The following TCF7L2 variants were observed in gnomAD, a reference collection of about 807,000 sequenced individuals.
TCF7L2 encodes the protein transcription factor 7-like 2.
In TCF7L2, 23 loss-of-function variants were observed where a neutral mutation model predicts 77.9. The observed-to-expected ratio is 0.30, with a 90% CI of 0.21 to 0.42. TCF7L2 has a LOEUF of 0.42. Ranked by LOEUF, TCF7L2 falls within the 10% of genes least tolerant of loss-of-function variation. The pLI, the probability that TCF7L2 is intolerant of heterozygous loss-of-function variation, is 1.00. For missense variants in TCF7L2, 654 were observed against 793.1 expected, an observed-to-expected ratio of 0.82 and a Z score of 2.11; for synonymous variants, 413 against 340.2, an observed-to-expected ratio of 1.21 and a Z score of -2.36.
chr10:113,163,419 C>T (rs993775990), intron 13 of TCF7L2, among the ~76,000 whole-genome samples: 3 of 152,066 alleles, frequency 2.0e-5, no homozygotes, highest in Non-Finnish European at 4.4e-5. Context: ...GGTTGTTCTC[C>T]CTGCTTCTTT....
At chr10:112,965,629 A>ATGTGTGTGTG (rs59587175) in intron 4 of TCF7L2, among the ~76,000 whole-genome samples, 8 of 137,322 alleles carry the variant, frequency 5.8e-5, no homozygotes, top group African/African-American at 2.2e-4. Flanking sequence ...GTGTGTGTAT[A>ATGTGTGTGTG]TGTGTGTGTG....
chr10:112,961,431 T>G (rs1214944625), intron 3 of TCF7L2, among the ~76,000 whole-genome samples: 1 of 152,272 alleles, frequency 6.6e-6, no homozygotes, highest in East Asian at 1.9e-4. Flanking sequence ...TATTCTTCCT[T>G]CTAGCTTCTG....
At chr10:113,088,408 A>G (rs1430122216) in intron 5 of TCF7L2, among the ~76,000 whole-genome samples, 1 of 152,104 alleles carries the variant, frequency 6.6e-6, no homozygotes, top group Non-Finnish European at 1.5e-5. Flanking sequence ...AATGGGCATG[A>G]TACTACCTAC....
At chr10:113,072,843 G>T (rs532775068) in intron 5 of TCF7L2, among the ~76,000 whole-genome samples, 1 of 152,284 alleles carries the variant, frequency 6.6e-6, no homozygotes, top group African/African-American at 2.4e-5. Flanking sequence ...CTTTTGGGAA[G>T]AAATGAAAAA....
chr10:113,117,049 C>T lies in TCF7L2; in HGVS notation c.553-24135C>T, dbSNP rs138630701. Among the ~76,000 whole-genome samples the T allele has an allele frequency of 7.9e-3, 1,201 of 152,202 alleles. 21 individuals carry two copies. The highest frequency in any genetic ancestry group is 0.027 in the African/African-American group (1,128 of 41,528). ...GAAACAATATTTAAAACATTCCTGT[C>T]GGGGCATTATTTAATGGGAATGATA... On this transcript the variant is annotated intron_variant, in intron 5 of 13. Coordinates refer to ENST00000627217, the MANE Select transcript of TCF7L2 (RefSeq NM_001146274.2).
intron 4 of TCF7L2, among the ~76,000 whole-genome samples, chr10:112,990,606 C>T (rs544248915): frequency 6.6e-6 from 1 of 152,184 alleles, no homozygotes; most frequent in South Asian, 2.1e-4. Context: ...ACTGGGGAGG[C>T]TGAGGTGGGC....
intron 10 of TCF7L2, among the ~76,000 whole-genome samples, 178 bp downstream of exon 10, chr10:113,152,062 G>A (rs1021722415): frequency 1.1e-4 from 16 of 152,128 alleles, no homozygotes; most frequent in African/African-American, 2.2e-4. Flanking sequence ...TGCACTCAGC[G>A]TTCAGAACAG....
intron 5 of TCF7L2, among the ~76,000 whole-genome samples, chr10:113,112,043 T>A (rs1307265836): frequency 2.0e-5 from 3 of 152,214 alleles, no homozygotes; most frequent in African/African-American, 7.2e-5. Flanking sequence ...GAAACCAGTT[T>A]CACAGTCTGC....
intron 5 of TCF7L2, among the ~76,000 whole-genome samples, chr10:113,113,716 T>C (rs2063411053): frequency 6.6e-6 from 1 of 152,242 alleles, no homozygotes; most frequent in Admixed American, 6.5e-5. Context: ...CCTCACCATC[T>C]AATTTGTTTC....
chr10:113,097,704 A>G lies in TCF7L2; in HGVS notation c.553-43480A>G, dbSNP rs1336145542. ...CATGAGAAAGATATATGGAGGTGAG[A>G]GGGAAAGGTGTACCCTGGAGGGATT... On this transcript the variant is annotated intron_variant, in intron 5 of 13. Transcript: ENST00000627217. Among the ~76,000 whole-genome samples the G allele has an allele frequency of 2.1e-5, 3 of 143,346 alleles. No homozygotes were observed. The East Asian group carries it at 6.4e-4, about 31-fold the overall frequency. 94.0% of individuals were successfully genotyped at this position (143,346 alleles called of 152,430 possible). A position where few individuals can be genotyped will look rare whatever the true frequency, so the allele number is the denominator to read the frequency against.
At chr10:113,060,984 C>T (rs1337086314) in intron 5 of TCF7L2, among the ~76,000 whole-genome samples, 1 of 152,120 alleles carries the variant, frequency 6.6e-6, no homozygotes, top group Non-Finnish European at 1.5e-5. Flanking sequence ...GACTTCAGGG[C>T]TGGTGGATAG....
At chr10:113,017,931 T>C (rs1382209450) in intron 4 of TCF7L2, among the ~76,000 whole-genome samples, 3 of 152,138 alleles carry the variant, frequency 2.0e-5, no homozygotes, top group African/African-American at 7.2e-5. Flanking sequence ...TTAAAATGCA[T>C]CCTTTTTGCA....
chr10:113,165,575 G>A lies in TCF7L2; in HGVS notation c.1412G>A (p.Arg471His), dbSNP rs2137646607. ...TCTAGGAGAAAAAAAAAGTGCGTTCGCTACATACAAGGTGAAGGCAGCTGC... is the reference window on the plus strand; with the variant it reads ...TCTAGGAGAAAAAAAAAGTGCGTTCACTACATACAAGGTGAAGGCAGCTGC... Residue 471 changes from arginine (R) to histidine (H), a missense_variant, in exon 14 of 14, where the codon CGC (arginine) becomes CAC (histidine). This residue lies in a region of TCF7L2 where 272 missense variants were observed against 215.4 expected (regional missense o/e 1.26). Transcript: ENST00000627217. 1.2e-6 allele frequency: 2 copies of A among 1,613,804 alleles called. No homozygotes were observed. The highest frequency in any genetic ancestry group is 1.7e-5 in the Admixed American group (1 of 59,994).
rs936008859 is a variant in TCF7L2, at chr10:113,166,226, CTT to C, written c.*256_*257del. 1.1e-5 allele frequency: 4 copies of C among 350,690 alleles called. No homozygotes were observed. Among genetic ancestry groups the C allele is most frequent in the Non-Finnish European group, 2.0e-5 (4 of 197,442 alleles). 21.7% of individuals were successfully genotyped at this position (350,690 alleles called of 1,614,324 possible). A position where few individuals can be genotyped will look rare whatever the true frequency, so the allele number is the denominator to read the frequency against. On this transcript the variant is annotated 3_prime_UTR_variant, in exon 14 of 14. Transcript: ENST00000627217. ...ATTTTTATCAACAGCTGTTTAAAGT[CTT>C]TGTAGCGTTTAAAAAATATATATAT...
chr10:113,118,686 T>A (rs1325941100), intron 5 of TCF7L2, among the ~76,000 whole-genome samples: 5 of 148,106 alleles, frequency 3.4e-5, no homozygotes, highest in African/African-American at 7.6e-5. Context: ...TTGTTTTTTT[T>A]ATTTTATTTT....
intron 5 of TCF7L2, among the ~76,000 whole-genome samples, chr10:113,070,502 G>C (rs1041564608): frequency 6.6e-6 from 1 of 152,066 alleles, no homozygotes; most frequent in African/African-American, 2.4e-5. Flanking sequence ...CCCGCGTCAA[G>C]GCTTTCCCAT....
chr10:113,152,512 A>G (rs1007127327), intron 11 of TCF7L2, 72 bp downstream of exon 11: 101 of 1,298,922 alleles, frequency 7.8e-5, no homozygotes, highest in Middle Eastern at 6.5e-4. Context: ...CAAAGAGAAC[A>G]GGACCTGCCA....
At chr10:113,100,096 T>C (rs146495834) in intron 5 of TCF7L2, among the ~76,000 whole-genome samples, 4 of 152,314 alleles carry the variant, frequency 2.6e-5, no homozygotes, top group Non-Finnish European at 5.9e-5. Flanking sequence ...GAAGGACTTT[T>C]ACTGATAAGA....
intron 11 of TCF7L2, among the ~76,000 whole-genome samples, chr10:113,154,796 T>C (rs762428594): frequency 5.9e-5 from 9 of 152,170 alleles, no homozygotes; most frequent in Non-Finnish European, 7.3e-5. Context: ...GATCTGGATT[T>C]AGGGCTCTAG....
Sources: allele counts gnomAD v4.1 joint callset (sites outside exome capture counted in the v4.1 genomes callset), GRCh38; gene constraint gnomAD v4.1.1; regional missense constraint gnomAD v4.1.1; transcripts MANE v1.5; gene names NCBI Gene and HGNC (gene_info 2026-07-23, HGNC 2026-07-21).